DLC1: variants seen among roughly 807,000 people sequenced by gnomAD.
DLC1 encodes the protein rho GTPase-activating protein 7.
Under a neutral mutation model 140.3 loss-of-function variants are expected in DLC1, and 54 were observed. The observed-to-expected ratio is 0.38, with a 90% CI of 0.31 to 0.48. The LOEUF (loss-of-function observed/expected upper bound fraction) is 0.48, where lower values mean the gene tolerates loss of function less well. DLC1 is among the 20% of genes least tolerant of loss of function. The pLI is 0.96. For synonymous variants in DLC1, 986 were observed against 728.1 expected, an observed-to-expected ratio of 1.35 and a Z score of -5.70; for missense variants, 2,536 against 1,907.0, an observed-to-expected ratio of 1.33 and a Z score of -6.14.
intron 5 of DLC1, among the ~76,000 whole-genome samples, chr8:13,280,201 T>C (rs1480999197): frequency 1.5e-5 from 2 of 135,536 alleles, no homozygotes; most frequent in African/African-American, 2.8e-5. Flanking sequence ...GGCAGGAGAA[T>C]GGCATGAACC....
At chr8:13,332,746 C>T (rs1422687129) in intron 4 of DLC1, among the ~76,000 whole-genome samples, 2 of 152,034 alleles carry the variant, frequency 1.3e-5, no homozygotes, top group African/African-American at 4.8e-5. Context: ...CTTGAGTTTG[C>T]TTTTTCTTTA....
At chr8:13,169,771 C>T (rs1397134911) in intron 5 of DLC1, among the ~76,000 whole-genome samples, 1 of 152,050 alleles carries the variant, frequency 6.6e-6, no homozygotes, top group Non-Finnish European at 1.5e-5. Flanking sequence ...AGTCTGTAAT[C>T]CCAGCATTTT....
rs145263649 is a variant in DLC1 at position 13,099,725 on chromosome 8, G to C, written c.2612C>G (p.Ser871Cys). ...KELKRRNSSS[S>C]MSSRLSIYDN... ...GTAGATGCTCAGGCGGCTGCTCATG[G>C]AGCTGGAAGAATTGCGTCTCTTCAG... The change falls in exon 9 of 18, where the codon TCC (serine) becomes TGC (cysteine). Residue 871 changes from serine to cysteine, a missense_variant. Physicochemically the swap from Ser to Cys is moderately radical, Grantham distance 112. Transcript: ENST00000276297. 1 of 1,614,192 alleles carries C rather than the reference G, an allele frequency of 6.2e-7. No individual in the cohort carries two copies. Among genetic ancestry groups the C allele is most frequent in the African/African-American group, 1.3e-5 (1 of 75,060 alleles).
rs182142663 is a variant in DLC1, at chr8:13,230,301, A to G, written c.1348+74968T>C. On this transcript the variant is annotated intron_variant, in intron 5 of 17. Coordinates refer to ENST00000276297, the MANE Select transcript of DLC1 (RefSeq NM_182643.3). ...AGAGCAAGTAAAAAGGGTAGCAGCT[A>G]AGAGTCCAGAACATCTTGTAAGGTC... 3.3e-5 allele frequency among the ~76,000 whole-genome samples: 5 copies of G among 152,366 alleles called. No individual in the cohort carries two copies. The East Asian group carries it at 9.7e-4, about 29-fold the overall frequency.
chr8:13,102,974 T>C (rs1819221937), intron 7 of DLC1, 121 bp from the exon 8 acceptor site: 1 of 766,052 alleles, frequency 1.3e-6, no homozygotes, highest in Non-Finnish European at 2.1e-6. Context: ...TAATACCTAA[T>C]ACCTAGAGGA....
intron 4 of DLC1, among the ~76,000 whole-genome samples, chr8:13,318,639 A>G (rs1183705937): frequency 6.6e-6 from 1 of 152,238 alleles, no homozygotes; most frequent in Non-Finnish European, 1.5e-5. Context: ...ATTGCTAGTA[A>G]CAAACAAACA....
At position 13,213,369 on chromosome 8, in the gene DLC1, G is replaced by A. The variant is rs1447420880; in HGVS notation, c.1348+91900C>T. Among the ~76,000 whole-genome samples the A allele has an allele frequency of 2.0e-5, 3 of 152,112 alleles. No homozygotes were observed. The East Asian group carries it at 5.8e-4, about 29-fold the overall frequency. ...GGAATATATAGAAATAACAACAGAA[G>A]CCTCTATATTTCTACATACAGATTA... On this transcript the variant is annotated intron_variant, in intron 5 of 17. Coordinates refer to ENST00000276297, the MANE Select transcript of DLC1 (RefSeq NM_182643.3).
At position 13,099,893 on chromosome 8, in the gene DLC1, G is replaced by A. The variant is rs761280048; in HGVS notation, c.2444C>T (p.Pro815Leu). The A allele has an allele frequency of 1.2e-6, 2 of 1,614,188 alleles. No individual in the cohort carries two copies. The highest frequency in any genetic ancestry group is 1.7e-5 in the Admixed American group (1 of 60,024). The change falls in exon 9 of 18, where the codon CCT (proline) becomes CTT (leucine). Residue 815 changes from proline to leucine, a missense_variant. Physicochemically the swap from Pro to Leu is moderately conservative, Grantham distance 98 (BLOSUM62 -3). Transcript: ENST00000276297. ...TVFYIPEDHK[P>L]GTFPKALTNG... ...GGTGAGAGCTTTGGGGAAAGTGCCA[G>A]GCTTGTGATCTTCAGGGATGTAGAA...
intron 5 of DLC1, among the ~76,000 whole-genome samples, chr8:13,165,619 C>A (rs988590190): frequency 6.6e-6 from 1 of 152,164 alleles, no homozygotes; most frequent in Admixed American, 6.5e-5. Context: ...TGGCCAGGAT[C>A]CCTGAAATCT....
intron 2 of DLC1, among the ~76,000 whole-genome samples, chr8:13,411,979 T>C (rs1837802650): frequency 6.6e-6 from 1 of 152,168 alleles, no homozygotes; most frequent in Non-Finnish European, 1.5e-5. Context: ...TGTAAAATCT[T>C]TTTTAAAAAT....
chr8:13,536,304 T>C (rs539976929), intron 1 of DLC1, among the ~76,000 whole-genome samples: 1 of 152,092 alleles, frequency 6.6e-6, no homozygotes, highest in East Asian at 1.9e-4. Context: ...CAAGGTAAAG[T>C]TGGAGAAAGG....
At chr8:13,387,388 A>G (rs112115894) in intron 4 of DLC1, among the ~76,000 whole-genome samples, 3 of 152,054 alleles carry the variant, frequency 2.0e-5, no homozygotes, top group African/African-American at 4.8e-5. Context: ...AACATATAGT[A>G]TATGATAACA....
intron 1 of DLC1, among the ~76,000 whole-genome samples, chr8:13,573,948 A>G (rs1185776237): frequency 6.6e-6 from 1 of 152,152 alleles, no homozygotes; most frequent in Non-Finnish European, 1.5e-5. Context: ...TCCATCATTC[A>G]TCATATCCTT....
intron 4 of DLC1, among the ~76,000 whole-genome samples, chr8:13,322,752 G>C (rs943093047): frequency 2.0e-5 from 3 of 152,178 alleles, no homozygotes; most frequent in Non-Finnish European, 4.4e-5. Flanking sequence ...ACTGCATGGG[G>C]ATGGCAATTC....
At chr8:13,580,547 A>G (rs2117443317) in intron 1 of DLC1, among the ~76,000 whole-genome samples, 1 of 152,260 alleles carries the variant, frequency 6.6e-6, no homozygotes, top group Non-Finnish European at 1.5e-5. Context: ...CATTGCCTGG[A>G]CTTCCTGCTC....
At chr8:13,466,266 C>T (rs1437846976) in intron 2 of DLC1, among the ~76,000 whole-genome samples, 3 of 152,188 alleles carry the variant, frequency 2.0e-5, no homozygotes, top group African/African-American at 7.2e-5. Flanking sequence ...GCTGAGCCTG[C>T]GTGTTCTGGA....
intron 2 of DLC1, among the ~76,000 whole-genome samples, chr8:13,491,607 T>C (rs1357420225): frequency 1.3e-5 from 2 of 152,212 alleles, no homozygotes; most frequent in African/African-American, 4.8e-5. Flanking sequence ...CTACTCATCG[T>C]TTGCTATTGA....
intron 5 of DLC1, among the ~76,000 whole-genome samples, chr8:13,126,831 A>G (rs1821623952): frequency 6.6e-6 from 1 of 152,252 alleles, no homozygotes; most frequent in Admixed American, 6.5e-5. Flanking sequence ...AGAAAATAAA[A>G]TAGTGTGCAA....
At chr8:13,204,568 C>G (rs938845850) in intron 5 of DLC1, among the ~76,000 whole-genome samples, 10 of 152,148 alleles carry the variant, frequency 6.6e-5, no homozygotes, top group Non-Finnish European at 2.9e-5. Flanking sequence ...CATACACACA[C>G]ACAGTCATAG....
Sources: allele counts gnomAD v4.1 joint callset (sites outside exome capture counted in the v4.1 genomes callset), GRCh38; gene constraint gnomAD v4.1.1; transcripts MANE v1.5; gene names NCBI Gene and HGNC (gene_info 2026-07-23, HGNC 2026-07-21).